The following NPAS3 variants were observed in gnomAD, a reference collection of about 807,000 sequenced individuals.
The protein encoded by NPAS3 is neuronal PAS domain-containing protein 3.
Under a neutral mutation model 73.1 loss-of-function variants are expected in NPAS3, and 14 were observed. The ratio of observed to expected loss-of-function variants is 0.19; its 90% CI spans 0.13 to 0.30. The LOEUF (loss-of-function observed/expected upper bound fraction) is 0.30. NPAS3 is among the 10% of genes least tolerant of loss of function. NPAS3 has a pLI of 1.00. For synonymous variants in NPAS3, 620 were observed against 541.5 expected (o/e 1.14, Z -2.01); for missense variants, 1,096 against 1,250.0 (o/e 0.88, Z 1.86).
chr14:32,949,636 T>C (rs993061576), intron 1 of NPAS3, among the ~76,000 whole-genome samples: 15 of 152,028 alleles, frequency 9.9e-5, no homozygotes, highest in Non-Finnish European at 2.9e-5. Flanking sequence ...ATATTATTTT[T>C]AGTCTCCTAC....
intron 1 of NPAS3, among the ~76,000 whole-genome samples, chr14:33,022,799 T>C (rs1215999569): frequency 2.0e-5 from 3 of 151,910 alleles, no homozygotes; most frequent in Non-Finnish European, 4.4e-5. Context: ...GGATAAATAA[T>C]ATATTTTACT....
intron 3 of NPAS3, among the ~76,000 whole-genome samples, chr14:33,360,846 C>T (rs942474906): frequency 2.0e-5 from 3 of 152,176 alleles, no homozygotes; most frequent in Admixed American, 6.5e-5. Context: ...CTACTCTCCA[C>T]GCCTCGGCCC....
At chr14:33,402,386 C>T (rs1476634051) in intron 4 of NPAS3, among the ~76,000 whole-genome samples, 1 of 151,974 alleles carries the variant, frequency 6.6e-6, no homozygotes, top group East Asian at 1.9e-4. Flanking sequence ...AAAAGCGGTA[C>T]TTTTTGGATC....
At chr14:33,229,339 A>C (rs2047754915) in intron 3 of NPAS3, among the ~76,000 whole-genome samples, 1 of 152,172 alleles carries the variant, frequency 6.6e-6, no homozygotes, top group Admixed American at 6.6e-5. Flanking sequence ...TGAAATCTTA[A>C]TGTATGTAGT....
chr14:33,244,830 G>GTGGT (rs2048325326), intron 3 of NPAS3, among the ~76,000 whole-genome samples: 1 of 152,198 alleles, frequency 6.6e-6, no homozygotes, highest in Admixed American at 6.5e-5. Flanking sequence ...GTCAACTTGA[G>GTGGT]TGGTCGTGCC....
At chr14:33,115,265 G>A (rs1328391294) in intron 2 of NPAS3, among the ~76,000 whole-genome samples, 2 of 152,162 alleles carry the variant, frequency 1.3e-5, no homozygotes, top group Admixed American at 1.3e-4. Flanking sequence ...TTTCAACACA[G>A]TGGAAGGATT....
At chr14:32,938,323 T>C (rs1214557374), upstream of NPAS3, among the ~76,000 whole-genome samples, 1 of 152,046 alleles carries the variant, frequency 6.6e-6, no homozygotes, top group Non-Finnish European at 1.5e-5. Flanking sequence ...AGCTCGCTCC[T>C]GTGGCCTCCC....
chr14:33,512,713 C>T (rs1175027267), intron 4 of NPAS3, among the ~76,000 whole-genome samples: 3 of 151,936 alleles, frequency 2.0e-5, no homozygotes, highest in Non-Finnish European at 2.9e-5. Context: ...AACAAACATG[C>T]CTGCATTTTC....
At chr14:33,594,505 G>C (rs2057172567) in intron 5 of NPAS3, among the ~76,000 whole-genome samples, 1 of 152,174 alleles carries the variant, frequency 6.6e-6, no homozygotes, top group South Asian at 2.1e-4. Context: ...AATGATGAAA[G>C]AGTCCTGTGC....
At chr14:33,325,170 A>G (rs1023868896) in intron 3 of NPAS3, among the ~76,000 whole-genome samples, 1 of 152,124 alleles carries the variant, frequency 6.6e-6, no homozygotes, top group Non-Finnish European at 1.5e-5. Context: ...TTTTTAAAAA[A>G]TTAATTTTTA....
chr14:33,275,449 A>G (rs1374052087), intron 3 of NPAS3, among the ~76,000 whole-genome samples: 1 of 152,262 alleles, frequency 6.6e-6, no homozygotes, highest in Non-Finnish European at 1.5e-5. Flanking sequence ...AATGTAGCCC[A>G]CCACTTTGAT....
intron 5 of NPAS3, among the ~76,000 whole-genome samples, chr14:33,639,177 A>T (rs4625632): frequency 6.6e-6 from 1 of 152,320 alleles, no homozygotes; most frequent in African/African-American, 2.4e-5. Flanking sequence ...TAGGTTTAAG[A>T]TAGACCGTTT....
chr14:33,323,452 T>G (rs894549170), intron 3 of NPAS3, among the ~76,000 whole-genome samples: 2 of 152,202 alleles, frequency 1.3e-5, no homozygotes, highest in African/African-American at 4.8e-5. Flanking sequence ...CCAAACAACT[T>G]TTTACCTCTA....
chr14:33,492,108 T>C (rs1595017116), intron 4 of NPAS3, among the ~76,000 whole-genome samples: 1 of 152,214 alleles, frequency 6.6e-6, no homozygotes. Context: ...ACAGGCAGGG[T>C]GATAATCTCA....
chr14:33,760,546 C>T (rs2062250250), intron 7 of NPAS3, among the ~76,000 whole-genome samples: 1 of 152,096 alleles, frequency 6.6e-6, no homozygotes, highest in Admixed American at 6.5e-5. Context: ...ACACCCACCC[C>T]TGAATGTGAG....
At chr14:33,750,870 C>T (rs1470191124) in intron 7 of NPAS3, among the ~76,000 whole-genome samples, 2 of 152,040 alleles carry the variant, frequency 1.3e-5, no homozygotes, top group Non-Finnish European at 2.9e-5. Context: ...CCAAGGGCAA[C>T]GGGATAAAGC....
At chr14:32,940,704 A>C (rs934298676) in intron 1 of NPAS3, among the ~76,000 whole-genome samples, 5 of 152,234 alleles carry the variant, frequency 3.3e-5, no homozygotes, top group Non-Finnish European at 2.9e-5. Context: ...TTTATTTTTG[A>C]TGCAACATAA....
At chr14:33,584,460 A>G (rs528010232) in intron 5 of NPAS3, among the ~76,000 whole-genome samples, 2 of 151,880 alleles carry the variant, frequency 1.3e-5, no homozygotes, top group South Asian at 4.2e-4. Context: ...CACTTTTGCC[A>G]TTTAAAAATT....
chr14:33,641,789 A>C (rs536848705), intron 5 of NPAS3, among the ~76,000 whole-genome samples: 9 of 151,960 alleles, frequency 5.9e-5, no homozygotes, highest in Non-Finnish European at 1.0e-4. Context: ...TTTGATGCCT[A>C]TATTTCTGTT....
Sources: gnomAD v4.1 joint callset for allele counts (sites outside exome capture counted in the v4.1 genomes callset) on GRCh38, gnomAD v4.1.1 for gene constraint, MANE v1.5 for transcripts, NCBI Gene and HGNC (gene_info 2026-07-23, HGNC 2026-07-21) for gene names.